The following PSEN1 variants were observed in gnomAD, a reference collection of about 807,000 sequenced individuals.
PSEN1 encodes the protein presenilin-1.
A neutral mutation model predicts 53.5 loss-of-function variants in PSEN1; 15 were observed. The ratio of observed to expected loss-of-function variants is 0.28; its 90% CI spans 0.19 to 0.43. PSEN1 has a LOEUF of 0.43. PSEN1 is among the 20% of genes least tolerant of loss of function. The pLI is 1.00. For synonymous variants in PSEN1, 208 were observed against 209.8 expected (o/e 0.99, Z 0.08); for missense variants, 387 against 571.2 (o/e 0.68, Z 3.29).
intron 7 of PSEN1, among the ~76,000 whole-genome samples, chr14:73,193,123 A>T (rs1595035411): frequency 6.6e-6 from 1 of 152,082 alleles, no homozygotes; most frequent in African/African-American, 2.4e-5. Context: ...CAGCCTGGGC[A>T]ACATGGCAAA....
intron 3 of PSEN1, among the ~76,000 whole-genome samples, chr14:73,150,509 A>G (rs1320901662): frequency 2.6e-5 from 4 of 152,116 alleles, no homozygotes; most frequent in Non-Finnish European, 5.9e-5. Flanking sequence ...CACGCCTGTA[A>G]TCCCAGCAAT....
intron 5 of PSEN1, chr14:73,174,336 C>T (rs759114801): frequency 3.9e-5 from 6 of 153,204 alleles, no homozygotes; most frequent in Admixed American, 6.5e-5. Context: ...CAGTTTCAAG[C>T]GATTCTCCTG....
At chr14:73,153,126 GT>G (rs1466971377) in intron 3 of PSEN1, among the ~76,000 whole-genome samples, 1 of 152,174 alleles carries the variant, frequency 6.6e-6, no homozygotes, top group Non-Finnish European at 1.5e-5. Flanking sequence ...AATGAAATGG[GT>G]GATCTAAATT....
intron 11 of PSEN1, among the ~76,000 whole-genome samples, chr14:73,218,701 AGCCCCCGCACAGCATAGAGAAT>A (rs1555358217): frequency 6.8e-6 from 1 of 147,000 alleles, no homozygotes; most frequent in South Asian, 2.2e-4. Flanking sequence ...AGCATAGAGA[AGCCCCCGCACAGCATAGAGAAT>A]GCCCCCGCAC....
At chr14:73,167,497 G>A in intron 3 of PSEN1, among the ~76,000 whole-genome samples, 1 of 152,148 alleles carries the variant, frequency 6.6e-6, no homozygotes, top group Non-Finnish European at 1.5e-5. Context: ...ATCCATTCAT[G>A]AAGGCAGAGT....
At position 73,170,887 on chromosome 14, in the gene PSEN1, C is replaced by T. The variant is rs777427451; in HGVS notation, c.178C>T (p.Arg60Trp). Residue 60 changes from arginine to tryptophan, a missense_variant, in exon 4 of 12, where the codon CGG becomes TGG. Around this residue, in one of 4 missense-constraint regions of PSEN1, gnomAD observed 99 missense variants for 101.5 expected, o/e 0.98. Coordinates refer to ENST00000324501, the MANE Select transcript of PSEN1 (RefSeq NM_000021.4). ...TAATGGACGACCCCAGGGTAACTCCCGGCAGGTGGTGGAGCAAGATGAGGA... is the reference window on the plus strand; with the variant it reads ...TAATGGACGACCCCAGGGTAACTCCTGGCAGGTGGTGGAGCAAGATGAGGA... ...LSNGRPQGNS[R>W]QVVEQDEEED... The T allele has an allele frequency of 1.9e-6, 3 of 1,614,160 alleles. No homozygotes were observed. Among genetic ancestry groups the T allele is most frequent in the East Asian group, 2.2e-5 (1 of 44,886 alleles).
At position 73,148,064 on chromosome 14, in the gene PSEN1, G is replaced by A; in HGVS notation, c.45G>A (p.Gln15=). ...PAPLSYFQNA[Q]MSEDNHLSNT... ...CGTTGTCCTACTTCCAGAATGCACA[G>A]ATGTCTGAGGACAACCACCTGAGCA... Residue 15 remains glutamine, a synonymous_variant, in exon 3 of 12, where the codon CAG becomes CAA. Transcript: ENST00000324501. 1 of 1,614,082 alleles carries A rather than the reference G, an allele frequency of 6.2e-7. No individual in the cohort carries two copies. The highest frequency in any genetic ancestry group is 8.5e-7 in the Non-Finnish European group (1 of 1,179,946).
At chr14:73,174,356 C>T (rs1897984569) in intron 5 of PSEN1, among the ~76,000 whole-genome samples, 1 of 152,158 alleles carries the variant, frequency 6.6e-6, no homozygotes, top group African/African-American at 2.4e-5. Context: ...GCCTCTGCCT[C>T]CCAAATAGCT....
chr14:73,171,053 T>C lies in PSEN1; in HGVS notation c.338+6T>C, dbSNP rs756871556. The stretch of plus-strand genomic sequence containing the variant: ...ACCCGGAAGGATGGGCAGCTGTACG[T>C]ATGAGTTTTGTTTTATTATTCTCAA... On this transcript the variant is annotated splice_donor_region_variant and intron_variant, in intron 4 of 11. Coordinates refer to ENST00000324501, the MANE Select transcript of PSEN1 (RefSeq NM_000021.4). 1.9e-6 allele frequency: 3 copies of C among 1,614,106 alleles called. No homozygotes were observed. Among genetic ancestry groups the C allele is most frequent in the Non-Finnish European group, 2.5e-6 (3 of 1,180,050 alleles).
intron 6 of PSEN1, among the ~76,000 whole-genome samples, chr14:73,191,253 C>A (rs1898701782): frequency 6.6e-6 from 1 of 152,174 alleles, no homozygotes; most frequent in Non-Finnish European, 1.5e-5. Flanking sequence ...ATATCAATTT[C>A]TCATCTACTC....
intron 5 of PSEN1, among the ~76,000 whole-genome samples, chr14:73,174,530 G>A (rs898989233): frequency 7.9e-5 from 12 of 152,140 alleles, no homozygotes; most frequent in Non-Finnish European, 1.3e-4. Context: ...CACTGCGCCC[G>A]GCCCTAAGTG....
At chr14:73,173,185 T>C (rs1387782108) in intron 4 of PSEN1, among the ~76,000 whole-genome samples, 3 of 152,210 alleles carry the variant, frequency 2.0e-5, no homozygotes, top group African/African-American at 7.2e-5. Flanking sequence ...ATATTACCTT[T>C]CTTCTGACAA....
At position 73,148,229 on chromosome 14, in the gene PSEN1, T is replaced by G. The variant is rs1897125397; in HGVS notation, c.87+123T>G. 4 of 791,016 alleles carry G rather than the reference T, an allele frequency of 5.1e-6. No homozygotes were observed. In the Admixed American group the frequency reaches 6.0e-5, roughly 12 times the overall value. 49.0% of individuals were successfully genotyped at this position (791,016 alleles called of 1,614,324 possible). On this transcript the variant is annotated intron_variant, in intron 3 of 11. Transcript: ENST00000324501. ...TCTACTTTACCACATTTATAATATA[T>G]TTGGTGAACTTCAGCTGATTGCTGG... is the stretch of plus-strand genomic sequence containing the variant.
intron 8 of PSEN1, among the ~76,000 whole-genome samples, chr14:73,205,166 A>G (rs2140122364): frequency 6.6e-6 from 1 of 152,118 alleles, no homozygotes; most frequent in African/African-American, 2.4e-5. Flanking sequence ...CATAAATGTC[A>G]AGTATCTTGT....
intron 10 of PSEN1, among the ~76,000 whole-genome samples, chr14:73,213,357 ATTCCCTCTCCTGAGAGG>A: frequency 6.6e-6 from 1 of 151,952 alleles, no homozygotes. Flanking sequence ...TAATTTGACG[ATTCCCTCTCCTGAGAGG>A]GCTCTTTGTG....
chr14:73,189,427 G>A (rs1247493945), intron 6 of PSEN1, among the ~76,000 whole-genome samples: 2 of 150,170 alleles, frequency 1.3e-5, no homozygotes, highest in East Asian at 4.0e-4. Flanking sequence ...CCTGGCCAAC[G>A]TGGTGAAAAC....
chr14:73,174,587 A>G (rs1897991432), intron 5 of PSEN1, among the ~76,000 whole-genome samples: 1 of 152,206 alleles, frequency 6.6e-6, no homozygotes, highest in South Asian at 2.1e-4. Flanking sequence ...ATACTCTAAG[A>G]CCTTTATGAA....
intron 7 of PSEN1, chr14:73,197,795 A>C (rs1899014730): frequency 1.9e-6 from 1 of 524,040 alleles, no homozygotes; most frequent in African/African-American, 1.9e-5. Context: ...AGCAAATAGC[A>C]GTCAAACCCA....
At chr14:73,156,493 A>G (rs369654241) in intron 3 of PSEN1, among the ~76,000 whole-genome samples, 1 of 152,126 alleles carries the variant, frequency 6.6e-6, no homozygotes, top group Non-Finnish European at 1.5e-5. Context: ...GAAGGAAATG[A>G]TATATCTAAG....
Sources: gnomAD v4.1 joint callset for allele counts (sites outside exome capture counted in the v4.1 genomes callset) on GRCh38, gnomAD v4.1.1 for gene constraint, gnomAD v4.1.1 regional missense constraint, MANE v1.5 for transcripts, NCBI Gene and HGNC (gene_info 2026-07-23, HGNC 2026-07-21) for gene names.